The following ZNF141 variants were observed in gnomAD, a reference collection of about 807,000 sequenced individuals.
ZNF141 encodes the protein zinc finger protein 141 (clone pHZ-44).
ZNF141 carries 7 observed loss-of-function variants against 11.3 expected under a neutral mutation model. That is an observed-to-expected ratio of 0.62 (90% CI 0.35 to 1.16). ZNF141 has a LOEUF of 1.16. ZNF141 is among the 50% of genes most tolerant of loss of function. The pLI, the probability that ZNF141 is intolerant of heterozygous loss-of-function variation, is 0.02. For synonymous variants in ZNF141, 183 were observed against 190.7 expected (o/e 0.96, Z 0.33); for missense variants, 535 against 554.0 (o/e 0.97, Z 0.34).
intron 3 of ZNF141, among the ~76,000 whole-genome samples, chr4:357,700 CTTTTTTCTTTTTTT>C (rs1560189713): frequency 6.9e-6 from 1 of 145,476 alleles, no homozygotes; most frequent in African/African-American, 2.6e-5. Context: ...TTTCTTTTTT[CTTTTTTCTTTTTTT>C]TTTTTTTTTT....
intron 3 of ZNF141, among the ~76,000 whole-genome samples, chr4:370,633 G>A (rs565174295): frequency 1.3e-5 from 2 of 152,140 alleles, no homozygotes; most frequent in East Asian, 1.9e-4. Context: ...TTATCTTGCC[G>A]CTTCTAAGAT....
chr4:374,389 GCA>G lies in ZNF141; in HGVS notation c.*530_*531del. ...AAATGCTTCACATGCGAAGAATGTGGCACAGTCTTTACCACATCCTCAAACTT... is the reference window on the plus strand; with the variant it reads ...AAATGCTTCACATGCGAAGAATGTGGCAGTCTTTACCACATCCTCAAACTT... On this transcript the variant is annotated 3_prime_UTR_variant, in exon 4 of 4. Coordinates refer to ENST00000240499, the MANE Select transcript of ZNF141 (RefSeq NM_003441.4). 2.8e-6 allele frequency: 1 copy of G among 357,848 alleles called. No homozygotes were observed. The highest frequency in any genetic ancestry group is 5.6e-6 in the Non-Finnish European group (1 of 177,018). 22.2% of individuals were successfully genotyped at this position (357,848 alleles called of 1,614,324 possible).
chr4:383,110 A>G lies in ZNF141; in HGVS notation c.*9248A>G, dbSNP rs1240337334. The G allele has an allele frequency of 1.9e-5, 13 of 699,476 alleles. No homozygotes were observed. The highest frequency in any genetic ancestry group is 1.2e-4 in the Admixed American group (6 of 48,926). 43.3% of individuals were successfully genotyped at this position (699,476 alleles called of 1,614,324 possible). A position where few individuals can be genotyped will look rare whatever the true frequency, so the allele number is the denominator to read the frequency against. The stretch of plus-strand genomic sequence containing the variant: ...TCTTTTTCAGAATTCTTCCATCTCT[A>G]TGACAACAAGCCCATTTTAGCTTTC... On this transcript the variant is annotated 3_prime_UTR_variant, in exon 4 of 4. Transcript: ENST00000240499.
intron 3 of ZNF141, among the ~76,000 whole-genome samples, chr4:360,418 G>A (rs758241238): frequency 1.3e-5 from 2 of 152,010 alleles, no homozygotes; most frequent in Non-Finnish European, 2.9e-5. Context: ...CTTTTATTGC[G>A]GCGCATGGCA....
At chr4:347,162 G>A (rs552530827) in intron 3 of ZNF141, among the ~76,000 whole-genome samples, 13 of 142,150 alleles carry the variant, frequency 9.1e-5, no homozygotes, top group African/African-American at 1.6e-4. Flanking sequence ...CTCAGCCTCC[G>A]AAGTAGCTGG....
chr4:356,043 A>T (rs1190389614), intron 3 of ZNF141, among the ~76,000 whole-genome samples: 1 of 151,940 alleles, frequency 6.6e-6, no homozygotes, highest in East Asian at 2.0e-4. Context: ...CAGCCTGGCC[A>T]AGATAGTGAA....
At chr4:353,485 C>T (rs1158425271) in intron 3 of ZNF141, among the ~76,000 whole-genome samples, 3 of 140,020 alleles carry the variant, frequency 2.1e-5, no homozygotes, top group Non-Finnish European at 4.6e-5. Flanking sequence ...TTTTTGGAGA[C>T]AGAGTCTCAC....
At chr4:339,168 T>TAC (rs1720934195) in intron 1 of ZNF141, among the ~76,000 whole-genome samples, 2 of 152,248 alleles carry the variant, frequency 1.3e-5, no homozygotes, top group Non-Finnish European at 2.9e-5. Flanking sequence ...GCTTTGCTCC[T>TAC]AGGTTTTTCT....
chr4:366,916 C>T (rs1304152718), intron 3 of ZNF141, among the ~76,000 whole-genome samples: 2 of 152,162 alleles, frequency 1.3e-5, no homozygotes, highest in East Asian at 3.9e-4. Context: ...AATCCTCCTG[C>T]CTCAGCCTCC....
chr4:367,188 T>G lies in ZNF141; in HGVS notation c.227-5476T>G, dbSNP rs190082216. Among the ~76,000 whole-genome samples the G allele has an allele frequency of 1.7e-4, 26 of 152,340 alleles. No individual in the cohort carries two copies. In the East Asian group the frequency reaches 4.8e-3, roughly 28 times the overall value. ...TTTTATTTTATATTATAATTGTGTA[T>G]GACAGCATTCAGCTGTGTACACTGT... is the stretch of plus-strand genomic sequence containing the variant. On this transcript the variant is annotated intron_variant, in intron 3 of 3. Coordinates refer to ENST00000240499, the MANE Select transcript of ZNF141 (RefSeq NM_003441.4).
In ZNF141 at chr4:377,619, A is replaced by G. The variant is rs79956464; in HGVS notation, c.*3757A>G. 6.6e-6 allele frequency among the ~76,000 whole-genome samples: 1 copy of G among 152,234 alleles called. No homozygotes were observed. Among genetic ancestry groups the G allele is most frequent in the East Asian group, 1.9e-4 (1 of 5,180 alleles). On this transcript the variant is annotated 3_prime_UTR_variant, in exon 4 of 4. Transcript: ENST00000240499. ...AACTGGGGTGTTTGAGGTTATTTAT[A>G]GGTTATCAGTGCAACATTTAGATCA...
In ZNF141 at chr4:382,009, G is replaced by C. The variant is rs1447448437; in HGVS notation, c.*8147G>C. On this transcript the variant is annotated 3_prime_UTR_variant, in exon 4 of 4. Transcript: ENST00000240499. ...CGCCCAGGCTGGAGTGCAGTGGCTC[G>C]ATCTCGGCTCACTGCAAGCTCCACC... 1.7e-4 allele frequency among the ~76,000 whole-genome samples: 25 copies of C among 143,370 alleles called. No homozygotes were observed. Among genetic ancestry groups the C allele is most frequent in the Admixed American group, 1.6e-3 (23 of 14,216 alleles). 94.1% of individuals were successfully genotyped at this position (143,370 alleles called of 152,430 possible).
chr4:348,657 G>C (rs1182957032), intron 3 of ZNF141, among the ~76,000 whole-genome samples: 4 of 151,506 alleles, frequency 2.6e-5, no homozygotes, highest in African/African-American at 9.7e-5. Flanking sequence ...AGAGGTTTCA[G>C]TGAGCCTAGA....
intron 3 of ZNF141, among the ~76,000 whole-genome samples, chr4:369,764 A>ATATTTTTT: frequency 2.1e-5 from 1 of 48,722 alleles, no homozygotes; most frequent in African/African-American, 1.7e-4. Flanking sequence ...ATATATATAT[A>ATATTTTTT]TTTTTTTTTT....
intron 3 of ZNF141, among the ~76,000 whole-genome samples, chr4:353,257 C>A (rs1411889094): frequency 1.3e-5 from 2 of 151,576 alleles, no homozygotes; most frequent in Non-Finnish European, 2.9e-5. Flanking sequence ...ACTTGTATTC[C>A]CAGCTACTTG....
At position 343,450 on chromosome 4, in the gene ZNF141, G is replaced by T. The variant is rs184208348; in HGVS notation, c.4-332G>T. ...TTAAGAACTATGTCCCTTCGGCTGG[G>T]CGCAGTGGCTCACGCCTGTAATCCC... is the stretch of plus-strand genomic sequence containing the variant. On this transcript the variant is annotated intron_variant, in intron 1 of 3. Transcript: ENST00000240499. Among the ~76,000 whole-genome samples, 1,120 of 152,220 alleles carry T rather than the reference G, an allele frequency of 7.4e-3. 11 individuals carry two copies. Among genetic ancestry groups the T allele is most frequent in the Middle Eastern group, 0.072 (21 of 292 alleles).
Position 373,529 on chromosome 4 carries a change from G to A in ZNF141, c.1092G>A (p.Glu364=). 1.9e-6 allele frequency: 3 copies of A among 1,613,686 alleles called. No homozygotes were observed. Among genetic ancestry groups the A allele is most frequent in the Non-Finnish European group, 1.7e-6 (2 of 1,179,858 alleles). ...AACATAAGAAAGTTCATACTGGAGA[G>A]CGGCCCTACAAATGTGATGAATGTG... ...LNEHKKVHTG[E]RPYKCDECGK... Residue 364 remains glutamate, a synonymous_variant, in exon 4 of 4, where the codon GAG becomes GAA. Coordinates refer to ENST00000240499, the MANE Select transcript of ZNF141 (RefSeq NM_003441.4).
Position 337,858 on chromosome 4 carries a change from T to A in ZNF141, c.-126T>A. ...ACCAGACCGCGGGTTAGGGGCTTCATCTCTCTGCGTTCTCAGTTGTGGGAG... is the reference window on the plus strand; with the variant it reads ...ACCAGACCGCGGGTTAGGGGCTTCAACTCTCTGCGTTCTCAGTTGTGGGAG... On this transcript the variant is annotated 5_prime_UTR_variant, in exon 1 of 4. Transcript: ENST00000240499. The A allele has an allele frequency of 7.6e-7, 1 of 1,322,828 alleles. No homozygotes were observed. Among genetic ancestry groups the A allele is most frequent in the Non-Finnish European group, 1.1e-6 (1 of 930,194 alleles). The allele number at this position is 1,322,828 out of a possible 1,614,324, so 81.9% of individuals were successfully genotyped here.
At chr4:367,039 G>A (rs1560195307) in intron 3 of ZNF141, among the ~76,000 whole-genome samples, 1 of 152,126 alleles carries the variant, frequency 6.6e-6, no homozygotes, top group Admixed American at 6.5e-5. Context: ...CAACGAATTA[G>A]GTATAGATCA....
Sources: allele counts gnomAD v4.1 joint callset (sites outside exome capture counted in the v4.1 genomes callset), GRCh38; gene constraint gnomAD v4.1.1; transcripts MANE v1.5; gene names NCBI Gene and HGNC (gene_info 2026-07-23, HGNC 2026-07-21).